TDRD3: variants seen among roughly 807,000 people sequenced by gnomAD.
The protein encoded by TDRD3 is tudor domain containing 3.
Under a neutral mutation model 86.7 loss-of-function variants are expected in TDRD3, and 45 were observed. That is an observed-to-expected ratio of 0.52 (90% CI 0.41 to 0.67). The LOEUF is 0.67. Among genes scored for constraint, TDRD3 ranks in the 30% least tolerant of loss-of-function variants. The pLI is 0.00. For synonymous variants in TDRD3, 298 were observed against 301.7 expected (o/e 0.99, Z 0.13); for missense variants, 814 against 889.0 (o/e 0.92, Z 1.07).
chr13:60,477,754 T>G (rs1043660951), intron 5 of TDRD3, among the ~76,000 whole-genome samples: 1 of 152,206 alleles, frequency 6.6e-6, no homozygotes, highest in African/African-American at 2.4e-5. Flanking sequence ...CTTTTTGATG[T>G]GCTGCTGGAT....
intron 5 of TDRD3, among the ~76,000 whole-genome samples, chr13:60,477,284 A>G (rs1318064946): frequency 6.6e-6 from 1 of 151,784 alleles, no homozygotes; most frequent in Admixed American, 6.6e-5. Context: ...GCAGAATCAT[A>G]GTTCAATACA....
chr13:60,486,850 C>T (rs2137520695), intron 7 of TDRD3, among the ~76,000 whole-genome samples: 1 of 152,252 alleles, frequency 6.6e-6, no homozygotes, highest in African/African-American at 2.4e-5. Flanking sequence ...AGAGAATATG[C>T]AGTATTTGTC....
chr13:60,532,583 T>C lies in TDRD3; in HGVS notation c.1993-2525T>C, dbSNP rs555395362. On this transcript the variant is annotated intron_variant, in intron 11 of 13. Transcript: ENST00000377881. ...AGATACCATAATCTTCTTAATTGCA[T>C]TGTAATGATATTTTGGAGATAATTA... 7.2e-5 allele frequency among the ~76,000 whole-genome samples: 11 copies of C among 152,328 alleles called. No individual in the cohort carries two copies. The East Asian group carries it at 1.7e-3, about 24-fold the overall frequency.
intron 1 of TDRD3, among the ~76,000 whole-genome samples, chr13:60,417,490 T>C (rs1465092355): frequency 1.3e-5 from 2 of 151,810 alleles, no homozygotes; most frequent in East Asian, 1.9e-4. Flanking sequence ...TACAGGCTCC[T>C]GCCACCATGC....
At chr13:60,448,996 G>T (rs1469029191) in intron 3 of TDRD3, among the ~76,000 whole-genome samples, 1 of 152,022 alleles carries the variant, frequency 6.6e-6, no homozygotes, top group Non-Finnish European at 1.5e-5. Context: ...AGAATGACAG[G>T]TTGTATATAC....
intron 12 of TDRD3, among the ~76,000 whole-genome samples, chr13:60,555,823 G>A (rs1051630781): frequency 6.6e-6 from 1 of 150,676 alleles, no homozygotes; most frequent in East Asian, 1.9e-4. Flanking sequence ...TTTTACATAG[G>A]GTAGGAAAAA....
In TDRD3 at chr13:60,397,301, A is replaced by AAG; in HGVS notation, c.-63_-62dup. 1.2e-6 allele frequency: 1 copy of AAG among 856,326 alleles called. No homozygotes were observed. The highest frequency in any genetic ancestry group is 2.2e-5 in the South Asian group (1 of 45,472). The allele number at this position is 856,326 out of a possible 1,614,324, so 53.0% of individuals were successfully genotyped here. The stretch of plus-strand genomic sequence containing the variant: ...TTTTTTTTTTAAGGGGGGGGGTCTC[A>AAG]AGTAGGAGGCCTCCCCATCACCCCC... On this transcript the variant is annotated 5_prime_UTR_variant, in exon 1 of 14. The change abolishes the stop of an existing upstream ORF in the 5' untranslated region. Coordinates refer to ENST00000377881, the MANE Select transcript of TDRD3 (RefSeq NM_001146070.2).
chr13:60,523,857 G>A lies in TDRD3; in HGVS notation c.1142-4510G>A, dbSNP rs111876239. 3.4e-3 allele frequency among the ~76,000 whole-genome samples: 515 copies of A among 152,048 alleles called. 4 individuals are homozygous for A. The highest frequency in any genetic ancestry group is 0.012 in the African/African-American group (489 of 41,490). ...ATCCCAAAGTGCTGGGATTACAGGCGTGAGCCATAGCACTGGTCCTGTAGT... is the reference window on the plus strand; with the variant it reads ...ATCCCAAAGTGCTGGGATTACAGGCATGAGCCATAGCACTGGTCCTGTAGT... On this transcript the variant is annotated intron_variant, in intron 10 of 13. Coordinates refer to ENST00000377881, the MANE Select transcript of TDRD3 (RefSeq NM_001146070.2).
intron 3 of TDRD3, among the ~76,000 whole-genome samples, chr13:60,451,930 G>A (rs1189196557): frequency 1.3e-5 from 2 of 152,074 alleles, no homozygotes; most frequent in African/African-American, 2.4e-5. Context: ...CTGCGCATTA[G>A]CTTAAAAACA....
intron 3 of TDRD3, among the ~76,000 whole-genome samples, chr13:60,445,895 A>G (rs898127274): frequency 1.3e-5 from 2 of 152,134 alleles, no homozygotes; most frequent in African/African-American, 2.4e-5. Flanking sequence ...CTCTGCTACA[A>G]GCTCATAGAA....
At chr13:60,446,052 T>C (rs1356248198) in intron 3 of TDRD3, among the ~76,000 whole-genome samples, 1 of 152,180 alleles carries the variant, frequency 6.6e-6, no homozygotes, top group Non-Finnish European at 1.5e-5. Flanking sequence ...ATCTAGATTA[T>C]TATGTCAAAT....
At chr13:60,439,808 T>A in intron 2 of TDRD3, 36 bp downstream of exon 2, 1 of 1,386,624 alleles carries the variant, frequency 7.2e-7, no homozygotes. Context: ...ACATTTGAAA[T>A]CTGGAAGCTG....
At chr13:60,430,614 C>T (rs1442716357) in intron 1 of TDRD3, among the ~76,000 whole-genome samples, 1 of 152,016 alleles carries the variant, frequency 6.6e-6, no homozygotes, top group Non-Finnish European at 1.5e-5. Context: ...TATGTGGAGT[C>T]ATGGTTTACA....
At chr13:60,450,453 G>C (rs1957244689) in intron 3 of TDRD3, among the ~76,000 whole-genome samples, 1 of 152,116 alleles carries the variant, frequency 6.6e-6, no homozygotes, top group South Asian at 2.1e-4. Flanking sequence ...TACTGACTGA[G>C]TGACCACTGG....
chr13:60,412,855 C>G (rs980268808), intron 1 of TDRD3, among the ~76,000 whole-genome samples: 1 of 152,030 alleles, frequency 6.6e-6, no homozygotes, highest in African/African-American at 2.4e-5. Context: ...TATTCTTAAA[C>G]ATTTGCTTAA....
Position 60,554,834 on chromosome 13 carries a change from T to C in TDRD3, c.2119-12691T>C, listed in dbSNP as rs1006667593. Among the ~76,000 whole-genome samples, 5 of 152,314 alleles carry C rather than the reference T, an allele frequency of 3.3e-5. No individual in the cohort carries two copies. The East Asian group carries it at 9.6e-4, about 29-fold the overall frequency. On this transcript the variant is annotated intron_variant, in intron 12 of 13. Coordinates refer to ENST00000377881, the MANE Select transcript of TDRD3 (RefSeq NM_001146070.2). ...GATGATAAGCAAATTACTCTCCAGA[T>C]TGTAATCAGTTCCCCCAACCTCTGT...
chr13:60,400,703 A>G (rs1020798527), intron 1 of TDRD3, among the ~76,000 whole-genome samples: 1 of 150,456 alleles, frequency 6.6e-6, no homozygotes, highest in Non-Finnish European at 1.5e-5. Context: ...GCACCATTGC[A>G]CTCCATCCTG....
intron 1 of TDRD3, among the ~76,000 whole-genome samples, chr13:60,420,949 A>G (rs1954639141): frequency 6.6e-6 from 1 of 152,184 alleles, no homozygotes; most frequent in Admixed American, 6.5e-5. Flanking sequence ...GTCTCAAAAA[A>G]AAAGAAAATC....
At chr13:60,570,841 G>C (rs1012614827) in intron 13 of TDRD3, among the ~76,000 whole-genome samples, 5 of 152,094 alleles carry the variant, frequency 3.3e-5, no homozygotes, top group African/African-American at 1.2e-4. Flanking sequence ...TTATATACTA[G>C]GGTTCCATGG....
Sources: gnomAD v4.1 joint callset for allele counts (sites outside exome capture counted in the v4.1 genomes callset) on GRCh38, gnomAD v4.1.1 for gene constraint, MANE v1.5 for transcripts, NCBI Gene and HGNC (gene_info 2026-07-23, HGNC 2026-07-21) for gene names.